PCDHGA8: variants seen among roughly 807,000 people sequenced by gnomAD.
PCDHGA8 encodes the protein protocadherin gamma subfamily A, 8.
In PCDHGA8, 45 loss-of-function variants were observed where a neutral mutation model predicts 59.2. The observed-to-expected ratio is 0.76, with a 90% confidence interval of 0.60 to 0.98. The LOEUF (loss-of-function observed/expected upper bound fraction) is 0.98. Ranked by LOEUF, PCDHGA8 falls within the 50% of genes least tolerant of loss-of-function variation. PCDHGA8 has a pLI of 0.00. For synonymous variants in PCDHGA8, 531 were observed against 519.0 expected (o/e 1.02, Z -0.32); for missense variants, 1,257 against 1,196.2 (o/e 1.05, Z -0.75).
intron 1 of PCDHGA8, among the ~76,000 whole-genome samples, chr5:141,482,207 G>T (rs983812650): frequency 6.6e-6 from 1 of 152,130 alleles, no homozygotes; most frequent in East Asian, 1.9e-4. Flanking sequence ...AAACAGACCA[G>T]GTACTTGTTT....
intron 1 of PCDHGA8, among the ~76,000 whole-genome samples, chr5:141,492,781 T>A (rs945023154): frequency 6.6e-6 from 1 of 152,194 alleles, no homozygotes; most frequent in African/African-American, 2.4e-5. Context: ...TGAGTGAGCC[T>A]CTATAGGACA....
intron 1 of PCDHGA8, among the ~76,000 whole-genome samples, chr5:141,492,341 C>T (rs2099739551): frequency 6.6e-6 from 1 of 152,222 alleles, no homozygotes; most frequent in East Asian, 1.9e-4. Flanking sequence ...CGAATACCAG[C>T]TTTCACTGCC....
At chr5:141,410,764 A>G (rs1288407043) in intron 1 of PCDHGA8, 2 of 1,105,068 alleles carry the variant, frequency 1.8e-6, no homozygotes, top group African/African-American at 1.6e-5. Context: ...TTTTTCAATT[A>G]TAGTTTTCAC....
intron 1 of PCDHGA8, among the ~76,000 whole-genome samples, chr5:141,401,064 C>T (rs146303449): frequency 1.3e-5 from 2 of 152,226 alleles, no homozygotes; most frequent in East Asian, 3.9e-4. Flanking sequence ...TATATGTTGG[C>T]TGGGTGCAGT....
chr5:141,434,010 T>C (rs772136259), intron 1 of PCDHGA8, among the ~76,000 whole-genome samples: 26 of 152,224 alleles, frequency 1.7e-4, no homozygotes, highest in Non-Finnish European at 3.1e-4. Flanking sequence ...TATATGTTTG[T>C]TTCTATGATT....
At position 141,511,345 on chromosome 5, in the gene PCDHGA8, T is replaced by A; in HGVS notation, c.*172T>A. The A allele has an allele frequency of 7.8e-6, 11 of 1,410,508 alleles. No individual in the cohort carries two copies. The highest frequency in any genetic ancestry group is 1.0e-5 in the Non-Finnish European group (11 of 1,060,682). 87.4% of individuals were successfully genotyped at this position (1,410,508 alleles called of 1,614,324 possible). ...AAGTGCCCAGTCAGCACCTACCCCT[T>A]CCCCCCCAGGGGGTTGAATATGCAA... On this transcript the variant is annotated 3_prime_UTR_variant, in exon 4 of 4. Transcript: ENST00000398604.
Position 141,486,288 on chromosome 5 carries a change from T to C in PCDHGA8, c.2425-8519T>C. 5 of 1,613,996 alleles carry C rather than the reference T, an allele frequency of 3.1e-6. No individual in the cohort carries two copies. The highest frequency in any genetic ancestry group is 4.2e-6 in the Non-Finnish European group (5 of 1,179,986). ...GAACCTGGCACTGTGGTGGCACTTA[T>C]CAGTGTGCAGGATCCAGACTCAGGG... On this transcript the variant is annotated intron_variant, in intron 1 of 3. Coordinates refer to ENST00000398604, the MANE Select transcript of PCDHGA8 (RefSeq NM_032088.2). The surrounding 1 kb of genome is among the most constrained non-coding windows in gnomAD (Gnocchi z 5.0).
chr5:141,409,666 C>T, intron 1 of PCDHGA8: 3 of 1,613,554 alleles, frequency 1.9e-6, no homozygotes, highest in Non-Finnish European at 2.5e-6. Flanking sequence ...GCCACATCTC[C>T]TACTCTATAG....
chr5:141,402,903 A>C, intron 1 of PCDHGA8: 1 of 1,525,170 alleles, frequency 6.6e-7, no homozygotes, highest in East Asian at 2.3e-5. Context: ...GAACCTGATG[A>C]AGCAGCGCGC....
chr5:141,477,482 C>T lies in PCDHGA8; in HGVS notation c.2425-17325C>T, dbSNP rs1168724444. The T allele has an allele frequency of 6.2e-7, 1 of 1,614,118 alleles. No individual in the cohort carries two copies. Among genetic ancestry groups the T allele is most frequent in the Non-Finnish European group, 8.5e-7 (1 of 1,180,016 alleles). ...GTCCGACATCAATGACAACCCTCCA[C>T]AATCTTCTCAATCTTCCTACGACGT... is the stretch of plus-strand genomic sequence containing the variant. On this transcript the variant is annotated intron_variant, in intron 1 of 3. Coordinates refer to ENST00000398604, the MANE Select transcript of PCDHGA8 (RefSeq NM_032088.2). This position sits in a 1 kb window ranked among gnomAD's most constrained non-coding sequence, Gnocchi z 4.9.
chr5:141,404,169 C>T (rs199556803), intron 1 of PCDHGA8: 118 of 1,612,734 alleles, frequency 7.3e-5, no homozygotes, highest in Non-Finnish European at 8.8e-5. Flanking sequence ...AGATTGTTGA[C>T]GGCCCAAATT....
intron 1 of PCDHGA8, chr5:141,414,279 A>G (rs1369675815): frequency 1.9e-6 from 3 of 1,613,350 alleles, no homozygotes; most frequent in Admixed American, 3.3e-5. Context: ...CTCTGGGAAC[A>G]GTCGTAGCCC....
At chr5:141,460,087 A>T (rs2098981724) in intron 1 of PCDHGA8, among the ~76,000 whole-genome samples, 1 of 152,008 alleles carries the variant, frequency 6.6e-6, no homozygotes, top group African/African-American at 2.4e-5. Flanking sequence ...AAAAAATAAT[A>T]ATTATACATG....
chr5:141,408,617 C>T (rs2095139011), intron 1 of PCDHGA8: 2 of 1,614,004 alleles, frequency 1.2e-6, no homozygotes, highest in African/African-American at 2.7e-5. Flanking sequence ...AAAGGAAATA[C>T]ATTTAGAAAT....
Position 141,485,684 on chromosome 5 carries a change from A to T in PCDHGA8, c.2425-9123A>T, listed in dbSNP as rs746176226. On this transcript the variant is annotated intron_variant, in intron 1 of 3. Transcript: ENST00000398604. The surrounding 1 kb of genome is among the most constrained non-coding windows in gnomAD (Gnocchi z 5.7). ...GGGGAGCAATTCGATTAGCAGCTAT[A>T]GGCTGAGCTCCAATGAACACTTTGC... 1 of 1,614,056 alleles carries T rather than the reference A, an allele frequency of 6.2e-7. No homozygotes were observed. The highest frequency in any genetic ancestry group is 1.1e-5 in the South Asian group (1 of 91,082).
intron 1 of PCDHGA8, among the ~76,000 whole-genome samples, chr5:141,405,652 G>GT (rs1479754913): frequency 6.6e-6 from 1 of 152,034 alleles, no homozygotes; most frequent in Non-Finnish European, 1.5e-5. Flanking sequence ...TTTTTTGTGT[G>GT]TTTTTAGTAG....
chr5:141,449,837 TAATTA>T (rs1054425190), intron 1 of PCDHGA8, among the ~76,000 whole-genome samples: 11 of 151,856 alleles, frequency 7.2e-5, no homozygotes, highest in Middle Eastern at 3.4e-3. Context: ...TTCTTTTATA[TAATTA>T]AATTTTAATA....
chr5:141,458,718 C>T (rs569153299), intron 1 of PCDHGA8, among the ~76,000 whole-genome samples: 3 of 151,942 alleles, frequency 2.0e-5, no homozygotes, highest in African/African-American at 4.8e-5. Context: ...TACAGGTATT[C>T]GCCACCACAT....
chr5:141,490,993 C>G lies in PCDHGA8; in HGVS notation c.2425-3814C>G, dbSNP rs746618787. 1.9e-6 allele frequency: 3 copies of G among 1,614,140 alleles called. No individual in the cohort carries two copies. Among genetic ancestry groups the G allele is most frequent in the Non-Finnish European group, 2.5e-6 (3 of 1,180,030 alleles). On this transcript the variant is annotated intron_variant, in intron 1 of 3. Coordinates refer to ENST00000398604, the MANE Select transcript of PCDHGA8 (RefSeq NM_032088.2). The surrounding 1 kb of genome is among the most constrained non-coding windows in gnomAD (Gnocchi z 5.4). ...CCAGCGTCTCCCTCGCTCTGCTCCT[C>G]CTGGCTCCTTGGTCACCAAGGTGAC...
Sources: gnomAD v4.1 joint callset for allele counts (sites outside exome capture counted in the v4.1 genomes callset) on GRCh38, gnomAD v4.1.1 for gene constraint, Gnocchi (gnomAD v3.1) non-coding constraint, MANE v1.5 for transcripts, NCBI Gene and HGNC (gene_info 2026-07-23, HGNC 2026-07-21) for gene names.